EDA: variants seen among roughly 807,000 people sequenced by gnomAD.
EDA encodes the protein ectodysplasin-A.
Under a neutral mutation model 23.6 loss-of-function variants are expected in EDA, and 2 were observed. The observed-to-expected ratio is 0.08, with a 90% CI of 0.03 to 0.27. The LOEUF (loss-of-function observed/expected upper bound fraction) is 0.27, where lower values mean the gene tolerates loss of function less well. EDA is among the 10% of genes least tolerant of loss of function. EDA has a pLI of 1.00. For missense variants in EDA, 229 were observed against 324.2 expected (o/e 0.71, Z 2.26); for synonymous variants, 131 against 132.0 (o/e 0.99, Z 0.05).
At chrX:69,952,393 A>G (rs1255285251) in intron 1 of EDA, among the ~76,000 whole-genome samples, 2 of 111,430 alleles carry the variant, frequency 1.8e-5, no homozygotes, top group Non-Finnish European at 1.9e-5. Flanking sequence ...GAAGAGAGAG[A>G]GCTTGTGCAG....
At chrX:69,816,044 G>A (rs1165676773) in intron 1 of EDA, among the ~76,000 whole-genome samples, 1 of 111,440 alleles carries the variant, frequency 9.0e-6, no homozygotes, top group Admixed American at 9.5e-5. Context: ...ATAACTCCAG[G>A]CATGGGACAA....
intron 1 of EDA, among the ~76,000 whole-genome samples, chrX:69,772,873 C>T (rs986461572): frequency 1.2e-4 from 13 of 111,478 alleles, no homozygotes; most frequent in Admixed American, 3.8e-4. Flanking sequence ...TGTCTTTATC[C>T]GGTCCCATAG....
chrX:69,881,676 G>C (rs2017750052), intron 1 of EDA, among the ~76,000 whole-genome samples: 1 of 111,700 alleles, frequency 9.0e-6, no homozygotes, highest in Admixed American at 9.5e-5. Context: ...GTTGCTATAA[G>C]AGACACCTGA....
intron 1 of EDA, among the ~76,000 whole-genome samples, chrX:69,710,455 C>T (rs913382143): frequency 1.4e-4 from 16 of 111,210 alleles, no homozygotes; most frequent in Non-Finnish European, 2.6e-4. Flanking sequence ...GTTCTTTTGG[C>T]GTAGGATTGA....
chrX:69,958,865 A>G (rs1171873990), intron 2 of EDA, among the ~76,000 whole-genome samples: 1 of 110,808 alleles, frequency 9.0e-6, no homozygotes, highest in East Asian at 2.8e-4. Context: ...TCCCACAACC[A>G]TCAAACTTTT....
intron 1 of EDA, among the ~76,000 whole-genome samples, chrX:69,819,774 A>G (rs2147514304): frequency 9.0e-6 from 1 of 111,493 alleles, no homozygotes; most frequent in South Asian, 3.8e-4. Context: ...GATAGGAAGA[A>G]TCAATATCTT....
chrX:69,713,290 G>A (rs905655365), intron 1 of EDA, among the ~76,000 whole-genome samples: 6 of 111,757 alleles, frequency 5.4e-5, no homozygotes, highest in African/African-American at 1.3e-4. Context: ...TCTAGTTTCC[G>A]CTAATGGTAA....
intron 1 of EDA, among the ~76,000 whole-genome samples, chrX:69,750,059 G>A (rs1219015317): frequency 9.6e-6 from 1 of 104,131 alleles, no homozygotes; most frequent in Non-Finnish European, 2.0e-5. Flanking sequence ...GGGTACATGT[G>A]TACAACGTGC....
At chrX:69,886,940 C>T (rs928844779) in intron 1 of EDA, among the ~76,000 whole-genome samples, 13 of 111,854 alleles carry the variant, frequency 1.2e-4, no homozygotes, top group Non-Finnish European at 2.3e-4. Context: ...CAATGCAAAG[C>T]TACACAAATA....
chrX:69,638,269 A>G (rs1182300333), intron 1 of EDA, among the ~76,000 whole-genome samples: 6 of 111,981 alleles, frequency 5.4e-5, no homozygotes, highest in Non-Finnish European at 1.1e-4. Context: ...ATCACGTTGT[A>G]CTAGAGGCAG....
At chrX:69,646,126 T>A (rs1422397079) in intron 1 of EDA, among the ~76,000 whole-genome samples, 1 of 111,564 alleles carries the variant, frequency 9.0e-6, no homozygotes, top group Non-Finnish European at 1.9e-5. Context: ...AATTTTAGAG[T>A]AACTGCCATG....
At chrX:69,725,467 T>C (rs1458370077) in intron 1 of EDA, among the ~76,000 whole-genome samples, 1 of 112,564 alleles carries the variant, frequency 8.9e-6, no homozygotes, top group African/African-American at 3.2e-5. Context: ...CAAAGTTAGT[T>C]CTATTTTCAT....
chrX:69,688,989 C>T (rs1183669836), intron 1 of EDA, among the ~76,000 whole-genome samples: 1 of 111,732 alleles, frequency 8.9e-6, no homozygotes. Context: ...GTTGTCCCAG[C>T]ACCATTTGTT....
rs190481946 is a variant in EDA, at chrX:69,961,054, A to G, written c.502+3922A>G. ...AAAAAAGAAAGAAAGAAAGAAAGAA[A>G]AAGAAAGTCTAGACCCTACTTCATT... On this transcript the variant is annotated intron_variant, in intron 2 of 7. Coordinates refer to ENST00000374552, the MANE Select transcript of EDA (RefSeq NM_001399.5). 7.3e-4 allele frequency among the ~76,000 whole-genome samples: 81 copies of G among 111,046 alleles called. 1 individual carries two copies. The highest frequency in any genetic ancestry group is 2.5e-3 in the African/African-American group (77 of 30,559).
chrX:69,655,146 A>G (rs1013743668), intron 1 of EDA, among the ~76,000 whole-genome samples: 2 of 111,985 alleles, frequency 1.8e-5, no homozygotes, highest in Non-Finnish European at 3.8e-5. Flanking sequence ...CTGGAATCCC[A>G]GCACTTTGGG....
intron 3 of EDA, among the ~76,000 whole-genome samples, chrX:70,027,132 T>C (rs1261606159): frequency 8.9e-6 from 1 of 112,103 alleles, no homozygotes; most frequent in African/African-American, 3.2e-5. Context: ...AAGTGACCCA[T>C]AGGTCTAATC....
In EDA at chrX:69,979,360, T is replaced by C. The variant is rs900358005; in HGVS notation, c.502+22228T>C. ...TGAATAATGCTACTGTGAACATTCA[T>C]TTACAAGATTTTTATGGAAATATGT... On this transcript the variant is annotated intron_variant, in intron 2 of 7. Transcript: ENST00000374552. Among the ~76,000 whole-genome samples, 4 of 112,220 alleles carry C rather than the reference T, an allele frequency of 3.6e-5. No individual in the cohort carries two copies. In the Admixed American group the frequency reaches 3.8e-4, roughly 11 times the overall value.
chrX:69,853,566 G>A (rs765965138), intron 1 of EDA, among the ~76,000 whole-genome samples: 10 of 111,950 alleles, frequency 8.9e-5, no homozygotes, highest in Admixed American at 4.8e-4. Context: ...ATTAAAAATC[G>A]TAATCCAGGC....
At chrX:69,667,608 G>C (rs1025012795) in intron 1 of EDA, among the ~76,000 whole-genome samples, 1 of 110,627 alleles carries the variant, frequency 9.0e-6, no homozygotes, top group Non-Finnish European at 1.9e-5. Context: ...TGATTTTTAT[G>C]ATTTCTTTCC....
Sources: allele counts gnomAD v4.1 joint callset (sites outside exome capture counted in the v4.1 genomes callset), GRCh38; gene constraint gnomAD v4.1.1; transcripts MANE v1.5; gene names NCBI Gene and HGNC (gene_info 2026-07-23, HGNC 2026-07-21).